CYTH3: variants seen among roughly 807,000 people sequenced by gnomAD.
CYTH3 encodes cytohesin 3, also known as cytohesin-3.
Under a neutral mutation model 55.1 loss-of-function variants are expected in CYTH3, and 23 were observed. The observed-to-expected ratio is 0.42, with a 90% confidence interval of 0.30 to 0.59. The LOEUF is 0.59. Ranked by LOEUF, CYTH3 falls within the 20% of genes least tolerant of loss-of-function variation. The pLI, the probability that CYTH3 is intolerant of heterozygous loss-of-function variation, is 0.20. For synonymous variants in CYTH3, 249 were observed against 194.9 expected, an observed-to-expected ratio of 1.28 and a Z score of -2.31; for missense variants, 413 against 524.8, an observed-to-expected ratio of 0.79 and a Z score of 2.08.
chr7:6,269,988 T>C (rs899955121), intron 1 of CYTH3, among the ~76,000 whole-genome samples: 3 of 152,242 alleles, frequency 2.0e-5, no homozygotes, highest in Admixed American at 1.3e-4. Context: ...TTCAACATTA[T>C]GTACTACACT....
intron 1 of CYTH3, among the ~76,000 whole-genome samples, chr7:6,260,111 G>A (rs1780313422): frequency 6.6e-6 from 1 of 151,484 alleles, no homozygotes; most frequent in South Asian, 2.1e-4. Context: ...TTACAGGCGT[G>A]TGCCACCGCG....
At chr7:6,195,670 C>T (rs1783907289) in intron 1 of CYTH3, among the ~76,000 whole-genome samples, 1 of 152,010 alleles carries the variant, frequency 6.6e-6, no homozygotes, top group African/African-American at 2.4e-5. Flanking sequence ...CTATGTCAAG[C>T]AATGAATGAG....
intron 1 of CYTH3, among the ~76,000 whole-genome samples, chr7:6,237,978 C>T (rs74428361): frequency 0.015 from 2,230 of 152,246 alleles, 30 homozygotes; most frequent in Middle Eastern, 0.061. Flanking sequence ...TGAGATGTTA[C>T]GCAATGAGTA....
intron 1 of CYTH3, among the ~76,000 whole-genome samples, chr7:6,262,275 G>A (rs1400896922): frequency 6.6e-6 from 1 of 152,150 alleles, no homozygotes; most frequent in African/African-American, 2.4e-5. Context: ...TGCAGCAGAA[G>A]CAATCAATGA....
chr7:6,255,758 G>GTTTTTTTTT (rs397889923), intron 1 of CYTH3, among the ~76,000 whole-genome samples: 1 of 89,404 alleles, frequency 1.1e-5, no homozygotes, highest in East Asian at 3.0e-4. Context: ...CCTTTAATCT[G>GTTTTTTTTT]TTTTTTTTTT....
At chr7:6,242,573 C>T (rs1779702894) in intron 1 of CYTH3, among the ~76,000 whole-genome samples, 1 of 151,696 alleles carries the variant, frequency 6.6e-6, no homozygotes, top group Admixed American at 6.6e-5. Context: ...GATGGGGTTT[C>T]ACCATATTGG....
intron 1 of CYTH3, among the ~76,000 whole-genome samples, chr7:6,238,459 C>T (rs1779583616): frequency 6.6e-6 from 1 of 152,118 alleles, no homozygotes; most frequent in Non-Finnish European, 1.5e-5. Context: ...AAGTACTATG[C>T]TTAGTAAAGT....
At chr7:6,202,898 T>C (rs530030962) in intron 1 of CYTH3, among the ~76,000 whole-genome samples, 2 of 152,130 alleles carry the variant, frequency 1.3e-5, no homozygotes, top group Non-Finnish European at 2.9e-5. Flanking sequence ...ACAAAAAACA[T>C]CCCACTAAAT....
intron 6 of CYTH3, 97 bp downstream of exon 6, chr7:6,173,556 C>A (rs1783256517): frequency 3.8e-6 from 3 of 793,450 alleles, no homozygotes; most frequent in South Asian, 1.4e-5. Context: ...TCGTGTGGCA[C>A]CAAGTTACCT....
intron 1 of CYTH3, among the ~76,000 whole-genome samples, chr7:6,258,629 T>C (rs1448775217): frequency 6.7e-6 from 1 of 149,708 alleles, no homozygotes; most frequent in East Asian, 1.9e-4. Flanking sequence ...CTACACAGAG[T>C]CAAATATGGC....
rs1783171678 is a variant in CYTH3 at position 6,170,999 on chromosome 7, T to G, written c.563-21A>C. 2 of 1,613,048 alleles carry G rather than the reference T, an allele frequency of 1.2e-6. No individual in the cohort carries two copies. The highest frequency in any genetic ancestry group is 3.3e-5 in the Admixed American group (2 of 59,980). ...CGTGTCTGCAACGAGTCCGGGGTGCTGGGCTCAGCCAGAACCTCCAGTGGA... is the reference window on the plus strand; with the variant it reads ...CGTGTCTGCAACGAGTCCGGGGTGCGGGGCTCAGCCAGAACCTCCAGTGGA... On this transcript the variant is annotated intron_variant, in intron 7 of 12. Coordinates refer to ENST00000350796, the MANE Select transcript of CYTH3 (RefSeq NM_004227.4). The surrounding 1 kb of genome is among the most constrained non-coding windows in gnomAD (Gnocchi z 7.8).
intron 5 of CYTH3, among the ~76,000 whole-genome samples, chr7:6,175,116 T>C (rs1418482715): frequency 6.6e-6 from 1 of 152,224 alleles, no homozygotes; most frequent in African/African-American, 2.4e-5. Flanking sequence ...TATATGAAGA[T>C]ATTTGCAAGT....
chr7:6,184,442 C>T (rs758328951), intron 4 of CYTH3, among the ~76,000 whole-genome samples: 3 of 152,048 alleles, frequency 2.0e-5, no homozygotes, highest in Non-Finnish European at 4.4e-5. Flanking sequence ...GTTTTGTTGG[C>T]CCTTATTATA....
chr7:6,197,279 G>A (rs1562891863), intron 1 of CYTH3, among the ~76,000 whole-genome samples: 1 of 152,130 alleles, frequency 6.6e-6, no homozygotes, highest in Non-Finnish European at 1.5e-5. Context: ...TGTACAGTGG[G>A]ACAAAGACAT....
intron 1 of CYTH3, among the ~76,000 whole-genome samples, chr7:6,262,671 G>T (rs998555368): frequency 2.0e-5 from 3 of 152,184 alleles, no homozygotes; most frequent in African/African-American, 7.2e-5. Context: ...GAGCAACATA[G>T]TGAGACCTCC....
chr7:6,190,499 C>G lies in CYTH3; in HGVS notation c.67G>C (p.Glu23Gln). ...PEDLSLEERE[E>Q]LLDIRRRKKE... Reference sequence around the variant, plus strand: ...TTTCTTCGACGAATGTCTAGAAGTTCTTCTCTCTCTTCTAATGAGAGGTCT... The same window carrying G: ...TTTCTTCGACGAATGTCTAGAAGTTGTTCTCTCTCTTCTAATGAGAGGTCT... Residue 23 changes from glutamate to glutamine, a missense_variant, in exon 2 of 13, where the codon GAA (glutamate) becomes CAA (glutamine). Glu to Gln is a conservative substitution (Grantham distance 29). Transcript: ENST00000350796. 1 of 1,467,530 alleles carries G rather than the reference C, an allele frequency of 6.8e-7. No individual in the cohort carries two copies. Among genetic ancestry groups the G allele is most frequent in the South Asian group, 1.3e-5 (1 of 78,166 alleles). The allele number at this position is 1,467,530 out of a possible 1,614,324, so 90.9% of individuals were successfully genotyped here. A position where few individuals can be genotyped will look rare whatever the true frequency, so the allele number is the denominator to read the frequency against.
intron 1 of CYTH3, among the ~76,000 whole-genome samples, chr7:6,245,175 G>A (rs1171507217): frequency 6.6e-6 from 1 of 151,542 alleles, no homozygotes; most frequent in Non-Finnish European, 1.5e-5. Flanking sequence ...ATTAGAATAG[G>A]TAACCAAAAA....
intron 5 of CYTH3, among the ~76,000 whole-genome samples, chr7:6,174,099 C>T (rs368165167): frequency 6.6e-6 from 1 of 151,822 alleles, no homozygotes; most frequent in Non-Finnish European, 1.5e-5. Context: ...AGAGAGATTT[C>T]CAAAGTATCA....
intron 1 of CYTH3, among the ~76,000 whole-genome samples, chr7:6,231,968 T>C (rs1779400274): frequency 6.6e-6 from 1 of 152,156 alleles, no homozygotes; most frequent in African/African-American, 2.4e-5. Context: ...CCTGCAACAA[T>C]TTACCTGTTC....
Sources: allele counts gnomAD v4.1 joint callset (sites outside exome capture counted in the v4.1 genomes callset), GRCh38; gene constraint gnomAD v4.1.1; non-coding constraint Gnocchi (gnomAD v3.1); transcripts MANE v1.5; gene names NCBI Gene and HGNC (gene_info 2026-07-23, HGNC 2026-07-21).